Variants in RUFY3 observed in about 807,000 individuals in gnomAD.
RUFY3 encodes the protein protein RUFY3.
Under a neutral mutation model 84.0 loss-of-function variants are expected in RUFY3, and 34 were observed. The ratio of observed to expected loss-of-function variants is 0.40; its 90% confidence interval spans 0.31 to 0.54. RUFY3 has a LOEUF of 0.54. Among genes scored for constraint, RUFY3 ranks in the 20% least tolerant of loss-of-function variants. RUFY3 has a pLI of 0.39. For missense variants in RUFY3, 507 were observed against 736.8 expected, an observed-to-expected ratio of 0.69 and a Z score of 3.61; for synonymous variants, 242 against 252.9, an observed-to-expected ratio of 0.96 and a Z score of 0.41.
At chr4:70,708,119 T>G (rs954764943) in intron 1 of RUFY3, among the ~76,000 whole-genome samples, 1 of 152,140 alleles carries the variant, frequency 6.6e-6, no homozygotes, top group South Asian at 2.1e-4. Flanking sequence ...CGAAACCCTG[T>G]TTTTAAAAAA....
At chr4:70,717,254 A>G (rs1028091441), upstream of RUFY3, among the ~76,000 whole-genome samples, 1 of 152,182 alleles carries the variant, frequency 6.6e-6, no homozygotes, top group Non-Finnish European at 1.5e-5. Flanking sequence ...TTTGGAATTT[A>G]TCAGGTGTTC....
chr4:70,734,398 A>G, intron 1 of RUFY3: 1 of 985,422 alleles, frequency 1.0e-6, no homozygotes, highest in Non-Finnish European at 1.2e-6. Flanking sequence ...CAGTGCAGTC[A>G]GCCTTAGATT....
intron 17 of RUFY3, 102 bp downstream of exon 17, chr4:70,804,518 G>A (rs936751564): frequency 5.2e-5 from 49 of 936,014 alleles, no homozygotes; most frequent in Non-Finnish European, 8.1e-5. Flanking sequence ...AGAGTGCAGA[G>A]TGCATGCAGA....
chr4:70,773,791 A>C (rs1727382437), intron 6 of RUFY3, among the ~76,000 whole-genome samples: 1 of 152,178 alleles, frequency 6.6e-6, no homozygotes, highest in African/African-American at 2.4e-5. Flanking sequence ...TTTTCCTGCT[A>C]TGTGGTTCAG....
chr4:70,706,593 A>G (rs958785699), intron 1 of RUFY3, among the ~76,000 whole-genome samples: 1 of 152,240 alleles, frequency 6.6e-6, no homozygotes, highest in Non-Finnish European at 1.5e-5. Flanking sequence ...CAAGAGATCC[A>G]AAACTGTGAT....
chr4:70,785,163 G>A (rs934624174), intron 10 of RUFY3, among the ~76,000 whole-genome samples: 6 of 152,058 alleles, frequency 3.9e-5, no homozygotes, highest in African/African-American at 7.2e-5. Context: ...AAACTATGCC[G>A]TCTCACTCCT....
intron 1 of RUFY3, among the ~76,000 whole-genome samples, chr4:70,759,681 A>G (rs1363131071): frequency 6.6e-6 from 1 of 152,106 alleles, no homozygotes; most frequent in African/African-American, 2.4e-5. Flanking sequence ...CCACACCAGC[A>G]TTTTTTATTT....
chr4:70,780,053 A>G (rs564418236), intron 8 of RUFY3, among the ~76,000 whole-genome samples: 1 of 152,156 alleles, frequency 6.6e-6, no homozygotes, highest in East Asian at 1.9e-4. Context: ...TGTGACCTTC[A>G]CTTTCGGACA....
intron 15 of RUFY3, among the ~76,000 whole-genome samples, chr4:70,801,413 G>A (rs903816016): frequency 6.6e-6 from 1 of 152,150 alleles, no homozygotes; most frequent in Non-Finnish European, 1.5e-5. Flanking sequence ...GTACCACTCT[G>A]GTGCAGCATG....
At chr4:70,770,065 G>A (rs1726700698) in intron 5 of RUFY3, among the ~76,000 whole-genome samples, 1 of 152,116 alleles carries the variant, frequency 6.6e-6, no homozygotes, top group Non-Finnish European at 1.5e-5. Flanking sequence ...CAAGTGATCT[G>A]CCTGCCTTGG....
At chr4:70,789,616 A>C in intron 12 of RUFY3, 24 bp downstream of exon 12, 1 of 1,607,946 alleles carries the variant, frequency 6.2e-7, no homozygotes, top group African/African-American at 1.3e-5. Flanking sequence ...TTCTTTAATG[A>C]AACACTTTGG....
intron 16 of RUFY3, chr4:70,803,317 A>AT (rs1732466641): frequency 4.1e-6 from 1 of 246,694 alleles, no homozygotes; most frequent in Non-Finnish European, 7.7e-6. Context: ...ATAAGCTAAC[A>AT]TAAATGATTG....
chr4:70,739,676 A>G lies in RUFY3; in HGVS notation c.178+16925A>G, dbSNP rs536695169. Among the ~76,000 whole-genome samples, 8 of 152,296 alleles carry G rather than the reference A, an allele frequency of 5.3e-5. 1 individual carries two copies. Among genetic ancestry groups the G allele is most frequent in the Admixed American group, 4.6e-4 (7 of 15,296 alleles). On this transcript the variant is annotated intron_variant, in intron 1 of 17. Transcript: ENST00000381006. Reference sequence around the variant, plus strand: ...GAAGAGATTTCACAACCATGGATACATAAACAAAGGCGAAGCATTTTTTAG... The same window carrying G: ...GAAGAGATTTCACAACCATGGATACGTAAACAAAGGCGAAGCATTTTTTAG...
At chr4:70,768,088 G>C (rs900946830) in intron 4 of RUFY3, among the ~76,000 whole-genome samples, 1 of 152,098 alleles carries the variant, frequency 6.6e-6, no homozygotes, top group Admixed American at 6.6e-5. Context: ...TCCCGCCTTG[G>C]TCTCCCCAAG....
chr4:70,763,678 A>G lies in RUFY3; in HGVS notation c.470+9A>G. On this transcript the variant is annotated intron_variant, in intron 3 of 17. Transcript: ENST00000381006. ...GATCTTCCAGGACTTAAGTAAGTCT[A>G]AGGTTGAATTCCATTTCTCAGGAAC... 2 of 1,605,160 alleles carry G rather than the reference A, an allele frequency of 1.2e-6. No individual in the cohort carries two copies. The highest frequency in any genetic ancestry group is 1.7e-6 in the Non-Finnish European group (2 of 1,177,148).
At chr4:70,778,482 G>T (rs771995357) in intron 8 of RUFY3, 44 bp downstream of exon 8, 1 of 1,040,130 alleles carries the variant, frequency 9.6e-7, no homozygotes, top group South Asian at 1.3e-5. Context: ...AATTTAATAT[G>T]CATTAGTAGA....
At chr4:70,726,320 T>C (rs1488789250) in intron 1 of RUFY3, among the ~76,000 whole-genome samples, 1 of 152,222 alleles carries the variant, frequency 6.6e-6, no homozygotes, top group Non-Finnish European at 1.5e-5. Flanking sequence ...ATTTGAGTTG[T>C]TGATGCTTAA....
intron 1 of RUFY3, among the ~76,000 whole-genome samples, chr4:70,709,899 C>A (rs1244962574): frequency 1.3e-5 from 2 of 152,204 alleles, no homozygotes. Context: ...CACCAAGTAG[C>A]AGCTTTCTGT....
In RUFY3 at chr4:70,806,829, C is replaced by T. The variant is rs77497225; in HGVS notation, c.*170C>T. 1,705 of 712,512 alleles carry T rather than the reference C, an allele frequency of 2.4e-3. 19 individuals are homozygous for T. The African/African-American group carries it at 0.027, about 11-fold the overall frequency. 44.1% of individuals were successfully genotyped at this position (712,512 alleles called of 1,614,324 possible). Reference sequence around the variant, plus strand: ...GGTTGGGGTTACTGGAAATTTTGCTCATTTTCTCTAATGACTGTATGAATA... The same window carrying T: ...GGTTGGGGTTACTGGAAATTTTGCTTATTTTCTCTAATGACTGTATGAATA... On this transcript the variant is annotated 3_prime_UTR_variant, in exon 18 of 18. Transcript: ENST00000381006.
Sources: gnomAD v4.1 joint callset for allele counts (sites outside exome capture counted in the v4.1 genomes callset) on GRCh38, gnomAD v4.1.1 for gene constraint, MANE v1.5 for transcripts, NCBI Gene and HGNC (gene_info 2026-07-23, HGNC 2026-07-21) for gene names.